HRH4: variants seen among roughly 807,000 people sequenced by gnomAD.
HRH4 encodes the protein histamine receptor H4.
HRH4 carries 12 observed loss-of-function variants against 10.4 expected under a neutral mutation model. The ratio of observed to expected loss-of-function variants is 1.15; its 90% CI spans 0.74 to 1.87. HRH4 has a LOEUF of 1.87. HRH4 is among the 40% of genes most tolerant of loss of function. HRH4 has a pLI of 0.00. For missense variants in HRH4, 415 were observed against 453.3 expected (o/e 0.92, Z 0.77); for synonymous variants, 154 against 166.6 (o/e 0.92, Z 0.58).
At chr18:24,475,431 A>G (rs1228582461) in intron 2 of HRH4, among the ~76,000 whole-genome samples, 1 of 152,192 alleles carries the variant, frequency 6.6e-6, no homozygotes, top group East Asian at 1.9e-4. Context: ...CGAGACCAGC[A>G]TGGACAACAT....
intron 2 of HRH4, among the ~76,000 whole-genome samples, chr18:24,473,659 C>T (rs569882400): frequency 2.5e-4 from 38 of 152,290 alleles, no homozygotes; most frequent in Admixed American, 1.8e-3. Context: ...CATCTGCAAA[C>T]ACCATATTTC....
chr18:24,477,343 A>G lies in HRH4; in HGVS notation c.954A>G (p.Pro318=), dbSNP rs766387689. 1.2e-6 allele frequency: 2 copies of G among 1,613,978 alleles called. No individual in the cohort carries two copies. Among genetic ancestry groups the G allele is most frequent in the African/African-American group, 2.7e-5 (2 of 74,932 alleles). The part of the protein sequence containing the change: ...LLGVFAVCWA[P]YSLFTIVLSF... ...GGGTTTTTGCTGTTTGCTGGGCTCCATATTCTCTGTTCACAATTGTCCTTT... is the reference window on the plus strand; with the variant it reads ...GGGTTTTTGCTGTTTGCTGGGCTCCGTATTCTCTGTTCACAATTGTCCTTT... Residue 318 remains proline (P), a synonymous_variant, in exon 3 of 3, where the codon CCA becomes CCG. Transcript: ENST00000256906.
At chr18:24,469,039 T>A in intron 2 of HRH4, 88 bp downstream of exon 2, 4 of 1,057,726 alleles carry the variant, frequency 3.8e-6, no homozygotes, top group Non-Finnish European at 5.4e-6. Context: ...TAAGCCTAAT[T>A]GTTAATTTAA....
chr18:24,471,029 G>A (rs1200211400), intron 2 of HRH4, among the ~76,000 whole-genome samples: 1 of 151,628 alleles, frequency 6.6e-6, no homozygotes, highest in Non-Finnish European at 1.5e-5. Flanking sequence ...CACAAAGGAA[G>A]CTGGGAAACT....
At chr18:24,475,931 G>A (rs897978141) in intron 2 of HRH4, among the ~76,000 whole-genome samples, 2 of 152,074 alleles carry the variant, frequency 1.3e-5, no homozygotes, top group Non-Finnish European at 2.9e-5. Context: ...TTGCTTGAAC[G>A]TGGGAAGCGG....
chr18:24,469,937 C>T (rs1331554562), intron 2 of HRH4, among the ~76,000 whole-genome samples: 1 of 152,076 alleles, frequency 6.6e-6, no homozygotes, highest in African/African-American at 2.4e-5. Flanking sequence ...CAGGTAGGCC[C>T]CGGTATCTAT....
chr18:24,476,902 A>G lies in HRH4; in HGVS notation c.513A>G (p.Glu171=), dbSNP rs753915955. 1.7e-5 allele frequency: 28 copies of G among 1,613,982 alleles called. No individual in the cohort carries two copies. The highest frequency in any genetic ancestry group is 2.3e-5 in the Non-Finnish European group (27 of 1,180,032). The part of the protein sequence containing the change: ...GSECEPGFFS[E]WYILAITSFL... ...AATGTGAACCTGGATTTTTTTCGGA[A>G]TGGTACATCCTTGCCATCACATCAT... The change falls in exon 3 of 3, where the codon GAA becomes GAG. Residue 171 remains glutamate, a synonymous_variant. Coordinates refer to ENST00000256906, the MANE Select transcript of HRH4 (RefSeq NM_021624.4).
At chr18:24,468,299 C>G (rs1909832578) in intron 1 of HRH4, among the ~76,000 whole-genome samples, 1 of 152,206 alleles carries the variant, frequency 6.6e-6, no homozygotes, top group South Asian at 2.1e-4. Flanking sequence ...ACCTTGGTCT[C>G]TCAAAGTGCT....
rs1477420930 is a variant in HRH4 at position 24,460,883 on chromosome 18, A to AT, written c.162dup (p.Leu55SerfsTer2). On this transcript the variant is annotated frameshift_variant, in exon 1 of 3. Coordinates refer to ENST00000256906, the MANE Select transcript of HRH4 (RefSeq NM_021624.4). LOFTEE classifies it high-confidence loss of function. The stretch of plus-strand genomic sequence containing the variant: ...AAAAACCTTAGACATCGAAGTAGTT[A>AT]TTTTTTTCTTAACTTGGCCATCTCT... 2.5e-6 allele frequency: 4 copies of AT among 1,582,606 alleles called. No homozygotes were observed. In the Admixed American group the frequency reaches 5.1e-5, roughly 20 times the overall value.
At chr18:24,475,467 C>CA (rs898632909) in intron 2 of HRH4, among the ~76,000 whole-genome samples, 18 of 152,124 alleles carry the variant, frequency 1.2e-4, no homozygotes, top group African/African-American at 3.9e-4. Flanking sequence ...CTACAAATAA[C>CA]AAAAAAATTT....
chr18:24,464,509 C>T (rs1909724324), intron 1 of HRH4, among the ~76,000 whole-genome samples: 3 of 152,102 alleles, frequency 2.0e-5, no homozygotes, highest in Admixed American at 1.3e-4. Flanking sequence ...ACATTCAGGC[C>T]ATAACACCCT....
chr18:24,469,053 A>G (rs973570926), intron 2 of HRH4, 102 bp downstream of exon 2: 2 of 852,854 alleles, frequency 2.3e-6, no homozygotes, highest in Non-Finnish European at 3.5e-6. Flanking sequence ...AATTTAATCG[A>G]CAGGCCTTAG....
intron 2 of HRH4, among the ~76,000 whole-genome samples, chr18:24,471,786 A>T (rs2144377410): frequency 6.6e-6 from 1 of 152,228 alleles, no homozygotes; most frequent in South Asian, 2.1e-4. Context: ...TGTTTGAAAA[A>T]TAATGCTCTA....
intron 2 of HRH4, among the ~76,000 whole-genome samples, chr18:24,470,343 A>T (rs1009270874): frequency 6.6e-6 from 1 of 152,092 alleles, no homozygotes; most frequent in African/African-American, 2.4e-5. Context: ...GATAGCAAAT[A>T]ATTTGGCTTT....
At position 24,479,753 on chromosome 18, in the gene HRH4, C is replaced by T. The variant is rs191341748; in HGVS notation, c.*2191C>T. On this transcript the variant is annotated 3_prime_UTR_variant, in exon 3 of 3. Coordinates refer to ENST00000256906, the MANE Select transcript of HRH4 (RefSeq NM_021624.4). The stretch of plus-strand genomic sequence containing the variant: ...TTTTATAACTTTGCAGTTCTTACAC[C>T]GTTTGGTGATTTTCATGTTTCTTAG... 16 of 152,186 alleles carry T rather than the reference C, an allele frequency of 1.1e-4. No individual in the cohort carries two copies. The highest frequency in any genetic ancestry group is 7.2e-4 in the Admixed American group (11 of 15,288). The allele number at this position is 152,186 out of a possible 1,614,324, so 9.4% of individuals were successfully genotyped here.
At chr18:24,475,494 G>T (rs1910111539) in intron 2 of HRH4, among the ~76,000 whole-genome samples, 1 of 152,138 alleles carries the variant, frequency 6.6e-6, no homozygotes, top group African/African-American at 2.4e-5. Flanking sequence ...GTGTGGTGGT[G>T]TACATCTGTG....
intron 2 of HRH4, among the ~76,000 whole-genome samples, chr18:24,471,761 T>C (rs1909970025): frequency 1.3e-5 from 2 of 152,170 alleles, no homozygotes; most frequent in African/African-American, 4.8e-5. Context: ...AATTTTACTT[T>C]AGATCACAGT....
intron 2 of HRH4, among the ~76,000 whole-genome samples, chr18:24,473,005 A>G (rs940949295): frequency 3.9e-5 from 6 of 152,150 alleles, no homozygotes; most frequent in African/African-American, 1.4e-4. Flanking sequence ...AAATACAAAA[A>G]TCAGCCAGGC....
intron 2 of HRH4, among the ~76,000 whole-genome samples, chr18:24,470,928 A>ATT (rs34845198): frequency 1.4e-5 from 2 of 140,874 alleles, no homozygotes; most frequent in African/African-American, 5.3e-5. Context: ...AGAGCAAGGG[A>ATT]TTTTTTTTTT....
Sources: gnomAD v4.1 joint callset for allele counts (sites outside exome capture counted in the v4.1 genomes callset) on GRCh38, gnomAD v4.1.1 for gene constraint, MANE v1.5 for transcripts, NCBI Gene and HGNC (gene_info 2026-07-23, HGNC 2026-07-21) for gene names.